Variants in TMEM150C observed in about 807,000 individuals in gnomAD.
TMEM150C encodes transmembrane protein 150C, also known as tentonin 3.
A neutral mutation model predicts 29.9 loss-of-function variants in TMEM150C; 10 were observed. The observed-to-expected ratio is 0.33, with a 90% CI of 0.21 to 0.57. The LOEUF (loss-of-function observed/expected upper bound fraction) is 0.57, where lower values mean the gene tolerates loss of function less well. Among genes scored for constraint, TMEM150C ranks in the 20% least tolerant of loss-of-function variants. The pLI is 0.88. For missense variants in TMEM150C, 251 were observed against 303.6 expected (o/e 0.83, Z 1.29); for synonymous variants, 101 against 112.5 (o/e 0.90, Z 0.64).
chr4:82,505,763 T>C (rs955993987), intron 1 of TMEM150C, among the ~76,000 whole-genome samples: 1 of 152,156 alleles, frequency 6.6e-6, no homozygotes, highest in Non-Finnish European at 1.5e-5. Flanking sequence ...TTTTGGAGGT[T>C]ACAAAAATAT....
At chr4:82,490,785 A>C in intron 6 of TMEM150C, 2 of 422,206 alleles carry the variant, frequency 4.7e-6, no homozygotes, top group South Asian at 2.1e-5. Context: ...GTATTACTTT[A>C]ATTGTTTTTT....
chr4:82,510,870 A>G (rs1263739284), intron 1 of TMEM150C, among the ~76,000 whole-genome samples: 1 of 152,138 alleles, frequency 6.6e-6, no homozygotes, highest in African/African-American at 2.4e-5. Context: ...TTTTTTAACC[A>G]CCTGTGAATC....
At chr4:82,541,742 A>G (rs982493197) in intron 1 of TMEM150C, among the ~76,000 whole-genome samples, 1 of 152,192 alleles carries the variant, frequency 6.6e-6, no homozygotes, top group African/African-American at 2.4e-5. Flanking sequence ...CTCTTAATTC[A>G]ATAGTCTATC....
intron 1 of TMEM150C, among the ~76,000 whole-genome samples, chr4:82,551,443 A>T (rs1459087007): frequency 6.6e-6 from 1 of 152,232 alleles, no homozygotes; most frequent in Admixed American, 6.5e-5. Flanking sequence ...GAATGAGTGA[A>T]TGAGTAAATG....
chr4:82,522,740 G>A (rs1724525996), intron 1 of TMEM150C, among the ~76,000 whole-genome samples: 1 of 152,188 alleles, frequency 6.6e-6, no homozygotes, highest in Non-Finnish European at 1.5e-5. Context: ...AATACAGCAT[G>A]AGCAAGTGGG....
intron 1 of TMEM150C, among the ~76,000 whole-genome samples, chr4:82,524,652 T>G (rs1302572893): frequency 3.3e-5 from 5 of 152,112 alleles, no homozygotes; most frequent in Non-Finnish European, 7.3e-5. Context: ...TGTTGGGTAG[T>G]AGGAAGGTAC....
intron 7 of TMEM150C, among the ~76,000 whole-genome samples, chr4:82,489,258 C>T (rs1723256953): frequency 6.6e-6 from 1 of 151,980 alleles, no homozygotes; most frequent in Non-Finnish European, 1.5e-5. Context: ...GGCCACACTA[C>T]CAGTAGGTGA....
chr4:82,532,656 CTT>C (rs1009162115), intron 1 of TMEM150C, among the ~76,000 whole-genome samples: 30 of 151,334 alleles, frequency 2.0e-4, no homozygotes, highest in African/African-American at 6.8e-4. Context: ...ATACATAGAA[CTT>C]TAAGTTATAG....
At chr4:82,521,264 G>A (rs183373560) in intron 1 of TMEM150C, among the ~76,000 whole-genome samples, 300 of 152,246 alleles carry the variant, frequency 2.0e-3, no homozygotes, top group African/African-American at 7.0e-3. Flanking sequence ...CTAATTGCAA[G>A]CTCCACGAGG....
intron 1 of TMEM150C, among the ~76,000 whole-genome samples, chr4:82,536,991 T>A (rs1304590731): frequency 1.3e-5 from 2 of 152,156 alleles, no homozygotes; most frequent in Non-Finnish European, 2.9e-5. Context: ...ATTATTATTA[T>A]TATTTTTTGA....
chr4:82,526,489 G>A (rs1433638087), intron 1 of TMEM150C, among the ~76,000 whole-genome samples: 1 of 152,146 alleles, frequency 6.6e-6, no homozygotes, highest in Non-Finnish European at 1.5e-5. Context: ...CAGTTAATAC[G>A]CCCTGTGCCT....
At chr4:82,490,441 AC>A (rs2110062443) in intron 6 of TMEM150C, among the ~76,000 whole-genome samples, 1 of 152,330 alleles carries the variant, frequency 6.6e-6, no homozygotes, top group Admixed American at 6.5e-5. Context: ...AATACCCCCA[AC>A]CCTTAAAAAC....
intron 1 of TMEM150C, among the ~76,000 whole-genome samples, chr4:82,538,781 C>G (rs1725097846): frequency 6.6e-6 from 1 of 152,116 alleles, no homozygotes; most frequent in African/African-American, 2.4e-5. Flanking sequence ...ATTTGAGGGA[C>G]CAGGTGCAGT....
At chr4:82,562,113 T>TC, upstream of TMEM150C, 1 of 1,249,918 alleles carries the variant, frequency 8.0e-7, no homozygotes, top group Non-Finnish European at 1.0e-6. Flanking sequence ...GGAGAGTTGA[T>TC]CCCCTGGGTC....
intron 1 of TMEM150C, among the ~76,000 whole-genome samples, chr4:82,551,551 G>C (rs974985198): frequency 1.3e-5 from 2 of 152,188 alleles, no homozygotes; most frequent in East Asian, 1.9e-4. Flanking sequence ...TTCAGACTTA[G>C]GGACAGAAAA....
At chr4:82,541,952 A>T (rs1725214691) in intron 1 of TMEM150C, among the ~76,000 whole-genome samples, 1 of 152,206 alleles carries the variant, frequency 6.6e-6, no homozygotes, top group African/African-American at 2.4e-5. Flanking sequence ...CTAGGGCTAT[A>T]CTTAATGCGC....
At chr4:82,490,933 C>T (rs982475406) in intron 6 of TMEM150C, 4 of 722,764 alleles carry the variant, frequency 5.5e-6, no homozygotes, top group Admixed American at 1.7e-5. Flanking sequence ...CGGATCTCAT[C>T]GGATCTGTTT....
Position 82,513,493 on chromosome 4 carries a change from T to TA in TMEM150C, c.-10-8827dup, listed in dbSNP as rs373786776. ...TAATGTCATGATATTTTACCACAAT[T>TA]AAAAAAAAAAAGACAGTCATAAGGA... is the stretch of plus-strand genomic sequence containing the variant. On this transcript the variant is annotated intron_variant, in intron 1 of 7. Coordinates refer to ENST00000449862, the MANE Select transcript of TMEM150C (RefSeq NM_001080506.3). 9.9e-3 allele frequency among the ~76,000 whole-genome samples: 1,431 copies of TA among 145,110 alleles called. 27 individuals carry two copies. Among genetic ancestry groups the TA allele is most frequent in the African/African-American group, 0.034 (1,345 of 39,738 alleles).
chr4:82,499,906 G>T (rs1345224476), intron 5 of TMEM150C, among the ~76,000 whole-genome samples: 1 of 152,050 alleles, frequency 6.6e-6, no homozygotes, highest in Non-Finnish European at 1.5e-5. Context: ...ATGCATCAAT[G>T]ATTCCTATTT....
Sources: allele counts gnomAD v4.1 joint callset (sites outside exome capture counted in the v4.1 genomes callset), GRCh38; gene constraint gnomAD v4.1.1; transcripts MANE v1.5; gene names NCBI Gene and HGNC (gene_info 2026-07-23, HGNC 2026-07-21).